RSPRY1: variants seen among roughly 807,000 people sequenced by gnomAD.
RSPRY1 encodes ring finger and SPRY domain containing 1, also known as RING finger and SPRY domain-containing protein 1.
Under a neutral mutation model 73.1 loss-of-function variants are expected in RSPRY1, and 23 were observed. That is an observed-to-expected ratio of 0.31 (90% CI 0.23 to 0.45). The LOEUF is 0.45. Ranked by LOEUF, RSPRY1 falls within the 20% of genes least tolerant of loss-of-function variation. RSPRY1 has a pLI of 1.00. For missense variants in RSPRY1, 448 were observed against 698.7 expected (o/e 0.64, Z 4.05); for synonymous variants, 226 against 251.4 (o/e 0.90, Z 0.95).
intron 1 of RSPRY1, among the ~76,000 whole-genome samples, chr16:57,191,494 A>T (rs2074351397): frequency 6.6e-6 from 1 of 152,136 alleles, no homozygotes; most frequent in African/African-American, 2.4e-5. Flanking sequence ...AGCTTCTCAC[A>T]TGTCATATGC....
intron 3 of RSPRY1, among the ~76,000 whole-genome samples, chr16:57,208,401 T>TATATATATA (rs1491130630): frequency 5.5e-5 from 2 of 36,618 alleles, no homozygotes; most frequent in African/African-American, 2.3e-4. Flanking sequence ...TATATATATA[T>TATATATATA]TTTTTTTTTT....
chr16:57,198,729 T>C (rs1171019889), intron 1 of RSPRY1, among the ~76,000 whole-genome samples: 1 of 152,218 alleles, frequency 6.6e-6, no homozygotes, highest in Non-Finnish European at 1.5e-5. Context: ...ACGTGATTAG[T>C]CTCCCTTCCT....
intron 1 of RSPRY1, among the ~76,000 whole-genome samples, chr16:57,188,179 T>G (rs1398491374): frequency 6.6e-6 from 1 of 152,250 alleles, no homozygotes; most frequent in Non-Finnish European, 1.5e-5. Flanking sequence ...AGTGGTTCTC[T>G]TTATTTTTCC....
intron 13 of RSPRY1, among the ~76,000 whole-genome samples, chr16:57,233,570 A>G (rs1318239929): frequency 6.6e-6 from 1 of 152,074 alleles, no homozygotes; most frequent in East Asian, 1.9e-4. Flanking sequence ...GGGTTTCGCC[A>G]TGTTGCCCAG....
chr16:57,215,120 C>G (rs561809289), intron 6 of RSPRY1, among the ~76,000 whole-genome samples: 2 of 152,046 alleles, frequency 1.3e-5, no homozygotes, highest in African/African-American at 4.8e-5. Flanking sequence ...AAGGTGGACC[C>G]TCAGCTGGGT....
chr16:57,216,092 TTTG>T lies in RSPRY1; in HGVS notation c.703-9_703-7del. 2 of 1,575,270 alleles carry T rather than the reference TTTG, an allele frequency of 1.3e-6. No individual in the cohort carries two copies. The highest frequency in any genetic ancestry group is 1.7e-6 in the Non-Finnish European group (2 of 1,157,750). ...TGATTTTTTTTTTTTTTTTTTATCT[TTTG>T]TTGTTTTTCAGAAGTTACAGTCCCA... On this transcript the variant is annotated splice_polypyrimidine_tract_variant and intron_variant, in intron 6 of 14. Coordinates refer to ENST00000394420, the MANE Select transcript of RSPRY1 (RefSeq NM_133368.3).
At chr16:57,201,570 G>A (rs2074608133) in intron 1 of RSPRY1, among the ~76,000 whole-genome samples, 1 of 152,246 alleles carries the variant, frequency 6.6e-6, no homozygotes, top group Admixed American at 6.5e-5. Context: ...GCCGGGCAGA[G>A]GCTGCAATCT....
Position 57,239,054 on chromosome 16 carries a change from C to G in RSPRY1, c.*79C>G. 1 of 638,886 alleles carries G rather than the reference C, an allele frequency of 1.6e-6. No individual in the cohort carries two copies. The highest frequency in any genetic ancestry group is 2.6e-5 in the South Asian group (1 of 38,094). The allele number at this position is 638,886 out of a possible 1,614,324, so 39.6% of individuals were successfully genotyped here. On this transcript the variant is annotated 3_prime_UTR_variant, in exon 15 of 15. Coordinates refer to ENST00000394420, the MANE Select transcript of RSPRY1 (RefSeq NM_133368.3). ...AAAAGAAAAAGAAAAAAAAAACTCT[C>G]TAATCAGTTGTACACACATTGAAAC...
intron 1 of RSPRY1, among the ~76,000 whole-genome samples, chr16:57,190,907 AGTG>A (rs1447177284): frequency 6.6e-6 from 1 of 152,254 alleles, no homozygotes; most frequent in Non-Finnish European, 1.5e-5. Context: ...TCTTATAAAT[AGTG>A]GTGGCCTCTT....
chr16:57,194,604 C>G (rs1241834792), intron 1 of RSPRY1, among the ~76,000 whole-genome samples: 5 of 152,140 alleles, frequency 3.3e-5, no homozygotes, highest in African/African-American at 1.2e-4. Flanking sequence ...TCCTCTAACA[C>G]TATTTTGGAA....
chr16:57,236,372 T>C (rs1297393293), intron 14 of RSPRY1, among the ~76,000 whole-genome samples: 14 of 152,172 alleles, frequency 9.2e-5, no homozygotes, highest in Non-Finnish European at 1.5e-5. Context: ...ATAGTAGATA[T>C]ATATCCAAAA....
rs1409567995 is a variant in RSPRY1, at chr16:57,213,015, A to G, written c.560A>G (p.Glu187Gly). The G allele has an allele frequency of 3.7e-6, 6 of 1,613,998 alleles. No individual in the cohort carries two copies. The highest frequency in any genetic ancestry group is 8.5e-7 in the Non-Finnish European group (1 of 1,179,980). The change falls in exon 5 of 15, where the codon GAA (glutamate) becomes GGA (glycine). Residue 187 changes from glutamate to glycine, a missense_variant. Coordinates refer to ENST00000394420, the MANE Select transcript of RSPRY1 (RefSeq NM_133368.3). ...KLTEILNLNGEVACQDSSHPA... is the reference protein window; with the variant it reads ...KLTEILNLNGGVACQDSSHPA... ...ACTGAAATTCTCAATTTAAATGGAG[A>G]AGTAGCTTGCCAGGACTCAAGCCAT... is the stretch of plus-strand genomic sequence containing the variant.
rs1046186514 is a variant in RSPRY1 at position 57,221,562 on chromosome 16, A to G, written c.1161+147A>G. 6 of 766,296 alleles carry G rather than the reference A, an allele frequency of 7.8e-6. No homozygotes were observed. The Admixed American group carries it at 9.1e-5, about 12-fold the overall frequency. 47.5% of individuals were successfully genotyped at this position (766,296 alleles called of 1,614,324 possible). A position where few individuals can be genotyped will look rare whatever the true frequency, so the allele number is the denominator to read the frequency against. On this transcript the variant is annotated intron_variant, in intron 10 of 14. Coordinates refer to ENST00000394420, the MANE Select transcript of RSPRY1 (RefSeq NM_133368.3). ...GCCACATGGTACCAGGTCCCTAACA[A>G]TGATCTACTAAACTGATAGAGAAAT...
chr16:57,196,037 A>G (rs2074440579), intron 1 of RSPRY1, among the ~76,000 whole-genome samples: 2 of 141,868 alleles, frequency 1.4e-5, no homozygotes, highest in African/African-American at 5.3e-5. Context: ...AAAAAAAAAT[A>G]TATATATATA....
intron 1 of RSPRY1, among the ~76,000 whole-genome samples, chr16:57,202,381 C>T (rs1339752367): frequency 1.3e-5 from 2 of 152,128 alleles, no homozygotes. Flanking sequence ...TTTCATCTTT[C>T]TCAGAAACCA....
intron 6 of RSPRY1, 127 bp from the exon 7 acceptor site, chr16:57,215,980 A>G (rs1217924211): frequency 1.5e-6 from 1 of 680,244 alleles, no homozygotes; most frequent in Non-Finnish European, 2.5e-6. Context: ...ACTTGAATGA[A>G]TGAAACTTTT....
intron 1 of RSPRY1, among the ~76,000 whole-genome samples, chr16:57,197,995 G>C (rs1473862955): frequency 2.7e-5 from 4 of 148,112 alleles, no homozygotes; most frequent in Non-Finnish European, 6.0e-5. Flanking sequence ...CAAAGTGCTG[G>C]GATTACAGGC....
rs2146137340 is a variant in RSPRY1 at position 57,188,882 on chromosome 16, T to A, written c.-156+2431T>A. ...TGATCCTATATTCTGTGGATCTTTTTAAAAACTATAACTGGTGATTGTGAG... is the reference window on the plus strand; with the variant it reads ...TGATCCTATATTCTGTGGATCTTTTAAAAAACTATAACTGGTGATTGTGAG... On this transcript the variant is annotated intron_variant, in intron 1 of 14. Coordinates refer to ENST00000394420, the MANE Select transcript of RSPRY1 (RefSeq NM_133368.3). Among the ~76,000 whole-genome samples the A allele has an allele frequency of 4.6e-5, 7 of 152,326 alleles. 1 individual carries two copies. The South Asian group carries it at 1.4e-3, about 32-fold the overall frequency.
chr16:57,189,076 C>T (rs2074304058), intron 1 of RSPRY1, among the ~76,000 whole-genome samples: 1 of 151,338 alleles, frequency 6.6e-6, no homozygotes, highest in Non-Finnish European at 1.5e-5. Flanking sequence ...TCACTGCAAC[C>T]TCTGCCTCCC....
Sources: gnomAD v4.1 joint callset for allele counts (sites outside exome capture counted in the v4.1 genomes callset) on GRCh38, gnomAD v4.1.1 for gene constraint, MANE v1.5 for transcripts, NCBI Gene and HGNC (gene_info 2026-07-23, HGNC 2026-07-21) for gene names.